The following TMEM234 variants were observed in gnomAD, a reference collection of about 807,000 sequenced individuals.
TMEM234 encodes chromosome 1 open reading frame 91.
TMEM234 carries 21 observed loss-of-function variants against 17.8 expected under a neutral mutation model. The observed-to-expected ratio is 1.18, with a 90% CI of 0.84 to 1.70. The LOEUF (loss-of-function observed/expected upper bound fraction) is 1.70, where lower values mean the gene tolerates loss of function less well. Ranked by LOEUF, TMEM234 falls within the 40% of genes most tolerant of loss-of-function variation. The pLI, the probability that TMEM234 is intolerant of heterozygous loss-of-function variation, is 0.00. For synonymous variants in TMEM234, 83 were observed against 73.5 expected, an observed-to-expected ratio of 1.13 and a Z score of -0.66; for missense variants, 137 against 166.9, an observed-to-expected ratio of 0.82 and a Z score of 0.99.
At chr1:32,214,650 G>A (rs1638241382), downstream of TMEM234, 1 of 1,165,244 alleles carries the variant, frequency 8.6e-7, no homozygotes, top group South Asian at 1.6e-5. Flanking sequence ...GAGGCAGCAA[G>A]GAGGGAGGAC....
At chr1:32,216,041 C>G, downstream of TMEM234, 2 of 778,164 alleles carry the variant, frequency 2.6e-6, no homozygotes, top group Non-Finnish European at 4.2e-6. Flanking sequence ...CCCCGTTCTC[C>G]TGCTCCTAAA....
intron 2 of TMEM234, 64 bp from the exon 3 acceptor site, chr1:32,221,261 G>A (rs1373273127): frequency 1.5e-6 from 2 of 1,292,620 alleles, no homozygotes; most frequent in East Asian, 4.7e-5. Flanking sequence ...CCTTCTTTGA[G>A]CTCCTAGCGA....
intron 2 of TMEM234, 100 bp downstream of exon 2, chr1:32,221,767 T>C (rs1638931948): frequency 6.7e-7 from 1 of 1,498,190 alleles, no homozygotes; most frequent in Non-Finnish European, 9.0e-7. Flanking sequence ...CGAGAATTTC[T>C]AGTGAGTAAG....
At chr1:32,221,517 C>G (rs1361575178) in intron 2 of TMEM234, among the ~76,000 whole-genome samples, 1 of 152,180 alleles carries the variant, frequency 6.6e-6, no homozygotes, top group African/African-American at 2.4e-5. Flanking sequence ...CCTGCAGGGC[C>G]AATTTGAGCC....
At chr1:32,215,045 C>T (rs1437267713), downstream of TMEM234, 14 of 1,387,706 alleles carry the variant, frequency 1.0e-5, no homozygotes, top group African/African-American at 9.2e-5. Context: ...GACACAAAGC[C>T]GGCACTGGAA....
downstream of TMEM234, chr1:32,215,958 C>A: frequency 7.3e-7 from 1 of 1,376,552 alleles, no homozygotes; most frequent in Non-Finnish European, 1.0e-6. Flanking sequence ...TGTCCTTAGC[C>A]TCCAGCAGCT....
intron 3 of TMEM234, among the ~76,000 whole-genome samples, chr1:32,218,078 T>C (rs1638574142): frequency 6.6e-6 from 1 of 152,254 alleles, no homozygotes; most frequent in African/African-American, 2.4e-5. Flanking sequence ...GATCTGTTCC[T>C]TAATTTTGAA....
intron 4 of TMEM234, 46 bp from the exon 5 acceptor site, chr1:32,216,993 C>A: frequency 6.2e-7 from 1 of 1,613,222 alleles, no homozygotes; most frequent in South Asian, 1.1e-5. Context: ...TCAGCCATGC[C>A]AGTAGGAGCT....
rs1638420853 is a variant in TMEM234, at chr1:32,216,761, A to C, written c.*92T>G. 1.9e-6 allele frequency: 3 copies of C among 1,549,912 alleles called. No homozygotes were observed. The highest frequency in any genetic ancestry group is 2.6e-6 in the Non-Finnish European group (3 of 1,143,696). The stretch of plus-strand genomic sequence containing the variant: ...AGAGAGGAGGAAGCTAAGGCCAGAG[A>C]GGGGAAGTGCTAGGTCCATCCGCTC... On this transcript the variant is annotated 3_prime_UTR_variant, in exon 5 of 5. Transcript: ENST00000309777.
intron 3 of TMEM234, chr1:32,217,642 T>G: frequency 1.7e-6 from 1 of 598,846 alleles, no homozygotes; most frequent in South Asian, 1.6e-5. Context: ...CAAGGACATC[T>G]GGACGGACAG....
At position 32,216,338 on chromosome 1, in the gene TMEM234, A is replaced by C. The variant is rs1638378687; in HGVS notation, c.*515T>G. The C allele has an allele frequency of 6.5e-7, 1 of 1,537,264 alleles. No individual in the cohort carries two copies. The highest frequency in any genetic ancestry group is 2.0e-5 in the Admixed American group (1 of 50,840). On this transcript the variant is annotated 3_prime_UTR_variant, in exon 5 of 5. Coordinates refer to ENST00000309777, the MANE Select transcript of TMEM234 (RefSeq NM_019118.5). ...TGCCTACCTCATGGGTGGGGCAGGC[A>C]AGGCTAATAGACAGCTCATTTCCTG...
intron 2 of TMEM234, 61 bp from the exon 3 acceptor site, chr1:32,221,258 T>G: frequency 1.5e-6 from 2 of 1,327,980 alleles, no homozygotes; most frequent in Non-Finnish European, 2.2e-6. Context: ...CTGCCTTCTT[T>G]GAGCTCCTAG....
At chr1:32,217,092 G>T in intron 4 of TMEM234, 145 bp from the exon 5 acceptor site, 1 of 1,565,372 alleles carries the variant, frequency 6.4e-7, no homozygotes, top group Non-Finnish European at 8.7e-7. Flanking sequence ...TCCAGGGGAA[G>T]GGAACTCTGA....
chr1:32,222,334 T>A lies in TMEM234; in HGVS notation c.-12A>T, dbSNP rs542203267. 1.3e-6 allele frequency: 2 copies of A among 1,562,694 alleles called. No individual in the cohort carries two copies. Among genetic ancestry groups the A allele is most frequent in the African/African-American group, 1.4e-5 (1 of 73,372 alleles). On this transcript the variant is annotated 5_prime_UTR_variant, in exon 1 of 5. Transcript: ENST00000309777. ...AGAGACGCCGCCATGGCAACGCCGC[T>A]GTCTTCTACTTCCGGGAACGAAGGG... is the stretch of plus-strand genomic sequence containing the variant.
intron 2 of TMEM234, among the ~76,000 whole-genome samples, 154 bp downstream of exon 2, chr1:32,221,713 A>G (rs1638926827): frequency 1.3e-5 from 2 of 152,150 alleles, no homozygotes; most frequent in African/African-American, 4.8e-5. Context: ...TATAATCGCC[A>G]TTTACAGATG....
intron 1 of TMEM234, 105 bp from the exon 2 acceptor site, chr1:32,222,123 T>C: frequency 6.7e-6 from 10 of 1,503,054 alleles, no homozygotes; most frequent in Non-Finnish European, 8.9e-6. Flanking sequence ...CTTCCCTCCT[T>C]CGCTCTCTTC....
chr1:32,222,123 T>TC (rs1229474252), intron 1 of TMEM234, 105 bp from the exon 2 acceptor site: 1 of 1,502,936 alleles, frequency 6.7e-7, no homozygotes, highest in Non-Finnish European at 8.9e-7. Context: ...CTTCCCTCCT[T>TC]CGCTCTCTTC....
At position 32,219,698 on chromosome 1, in the gene TMEM234, A is replaced by G. The variant is rs151264350; in HGVS notation, c.235+1433T>C. On this transcript the variant is annotated intron_variant, in intron 3 of 4. Coordinates refer to ENST00000309777, the MANE Select transcript of TMEM234 (RefSeq NM_019118.5). ...CAGAGCTGCCTTCTTAAGTTTACAT[A>G]CCTTACAAGGAGTGTCATGGCTGCT... 9.5e-4 allele frequency among the ~76,000 whole-genome samples: 145 copies of G among 152,196 alleles called. 1 individual carries two copies. Among genetic ancestry groups the G allele is most frequent in the African/African-American group, 2.9e-3 (122 of 41,510 alleles).
chr1:32,216,876 G>C lies in TMEM234; in HGVS notation c.400C>G (p.Gln134Glu). The C allele has an allele frequency of 6.2e-7, 1 of 1,614,192 alleles. No homozygotes were observed. Among genetic ancestry groups the C allele is most frequent in the African/African-American group, 1.3e-5 (1 of 75,052 alleles). ...LCITSSVSKT[Q>E]GQQSTL ...ACTCAAAGGGTAGACTGTTGCCCCT[G>C]GGTCTTACTCACTGAGCTTGTGATG... Residue 134 changes from glutamine to glutamate, a missense_variant, in exon 5 of 5, where the codon CAG becomes GAG. Transcript: ENST00000309777.
Sources: gnomAD v4.1 joint callset for allele counts (sites outside exome capture counted in the v4.1 genomes callset) on GRCh38, gnomAD v4.1.1 for gene constraint, MANE v1.5 for transcripts, NCBI Gene and HGNC (gene_info 2026-07-23, HGNC 2026-07-21) for gene names.